KPNA3: variants seen among roughly 807,000 people sequenced by gnomAD.
KPNA3 encodes importin subunit alpha-4.
A neutral mutation model predicts 73.8 loss-of-function variants in KPNA3; 13 were observed. That is an observed-to-expected ratio of 0.18 (90% confidence interval 0.11 to 0.28). The LOEUF (loss-of-function observed/expected upper bound fraction) is 0.28, where lower values mean the gene tolerates loss of function less well. Among genes scored for constraint, KPNA3 ranks in the 10% least tolerant of loss-of-function variants. The probability of loss-of-function intolerance (pLI) is 1.00; values close to 1 mark genes in which losing one functional copy is unlikely to be tolerated. For synonymous variants in KPNA3, 186 were observed against 206.9 expected, an observed-to-expected ratio of 0.90 and a Z score of 0.87; for missense variants, 360 against 618.1, an observed-to-expected ratio of 0.58 and a Z score of 4.43.
intron 6 of KPNA3, among the ~76,000 whole-genome samples, chr13:49,728,790 G>A (rs1269582520): frequency 1.3e-5 from 2 of 152,180 alleles, no homozygotes; most frequent in African/African-American, 4.8e-5. Flanking sequence ...GCCTGAGAGA[G>A]CTTTACCAGA....
At chr13:49,744,425 T>C (rs1339290530) in intron 2 of KPNA3, among the ~76,000 whole-genome samples, 17 of 152,218 alleles carry the variant, frequency 1.1e-4, no homozygotes, top group Non-Finnish European at 2.5e-4. Context: ...TAATGTTTAT[T>C]ATGCTAATGT....
At chr13:49,770,508 T>C (rs1872876668) in intron 1 of KPNA3, among the ~76,000 whole-genome samples, 1 of 152,090 alleles carries the variant, frequency 6.6e-6, no homozygotes, top group African/African-American at 2.4e-5. Context: ...TGGCGTATTT[T>C]GAAGTACAAA....
chr13:49,786,345 C>T (rs1461792768), intron 1 of KPNA3, among the ~76,000 whole-genome samples: 2 of 152,094 alleles, frequency 1.3e-5, no homozygotes, highest in Admixed American at 6.5e-5. Context: ...GCTATACAAA[C>T]ACAGAATTTG....
At chr13:49,724,508 C>G (rs1954390816) in intron 7 of KPNA3, among the ~76,000 whole-genome samples, 1 of 152,096 alleles carries the variant, frequency 6.6e-6, no homozygotes, top group Admixed American at 6.5e-5. Context: ...AGGGTTTCAC[C>G]ATGTTAGCAA....
chr13:49,718,790 G>A (rs1163100459), intron 10 of KPNA3, among the ~76,000 whole-genome samples: 1 of 152,096 alleles, frequency 6.6e-6, no homozygotes, highest in Non-Finnish European at 1.5e-5. Flanking sequence ...TCCATCCTGA[G>A]AGCTTAAAAT....
chr13:49,727,806 T>G (rs1954424291), intron 6 of KPNA3, among the ~76,000 whole-genome samples: 1 of 152,122 alleles, frequency 6.6e-6, no homozygotes, highest in Admixed American at 6.5e-5. Context: ...CCTGCTAAAA[T>G]TAAAGCAAAA....
chr13:49,709,462 T>C, intron 12 of KPNA3, 110 bp downstream of exon 12: 2 of 834,184 alleles, frequency 2.4e-6, no homozygotes, highest in East Asian at 5.7e-5. Flanking sequence ...AATTCTCATC[T>C]TCGCTGCAGT....
chr13:49,789,259 C>G (rs1955011683), intron 1 of KPNA3, among the ~76,000 whole-genome samples: 1 of 152,152 alleles, frequency 6.6e-6, no homozygotes, highest in South Asian at 2.1e-4. Context: ...TATAATCACT[C>G]TTCTTTTTTA....
At chr13:49,734,479 GAAAAGA>G (rs769665868) in intron 2 of KPNA3, among the ~76,000 whole-genome samples, 24 of 152,032 alleles carry the variant, frequency 1.6e-4, no homozygotes, top group Non-Finnish European at 2.9e-4. Context: ...TTGGGAAAAA[GAAAAGA>G]AAAACAAATA....
intron 1 of KPNA3, among the ~76,000 whole-genome samples, chr13:49,790,120 C>A (rs191073180): frequency 2.4e-3 from 370 of 152,240 alleles, no homozygotes; most frequent in Non-Finnish European, 4.5e-3. Context: ...ATAAATAATA[C>A]CCATATCCAC....
chr13:49,732,029 A>G (rs186917360), intron 6 of KPNA3, among the ~76,000 whole-genome samples: 2 of 152,334 alleles, frequency 1.3e-5, no homozygotes, highest in East Asian at 3.9e-4. Context: ...TAATCTATAT[A>G]TAGGCTCATA....
At chr13:49,750,138 C>A (rs1954649827) in intron 1 of KPNA3, among the ~76,000 whole-genome samples, 2 of 152,142 alleles carry the variant, frequency 1.3e-5, no homozygotes, top group South Asian at 2.1e-4. Context: ...CATTTGCCAA[C>A]CGGGAAGCAA....
In KPNA3 at chr13:49,709,432, T is replaced by C. The variant is rs116875202; in HGVS notation, c.1032+140A>G. ...AAAAAAAAAAGTTGAAGAAAAACAT[T>C]TGCAGAGGTGATTTAAAATAATTCT... On this transcript the variant is annotated intron_variant, in intron 12 of 16. Transcript: ENST00000261667. 8.0e-3 allele frequency: 5,028 copies of C among 625,436 alleles called. 38 individuals are homozygous for C. Among genetic ancestry groups the C allele is most frequent in the Admixed American group, 0.011 (316 of 28,228 alleles). The allele number at this position is 625,436 out of a possible 1,614,324, so 38.7% of individuals were successfully genotyped here. A position where few individuals can be genotyped will look rare whatever the true frequency, so the allele number is the denominator to read the frequency against.
intron 1 of KPNA3, among the ~76,000 whole-genome samples, chr13:49,762,626 C>T (rs1219444536): frequency 1.3e-5 from 2 of 152,022 alleles, no homozygotes; most frequent in Non-Finnish European, 2.9e-5. Context: ...GGATTAAGGG[C>T]GGTGCAAGAT....
Position 49,701,704 on chromosome 13 carries a change from GT to G in KPNA3, c.*95del, listed in dbSNP as rs917869570. ...AGCATCAAAACAAAGAGGCATGTGT[GT>G]TTTGGAGCCTTTTGTTGCTGTTGTT... is the stretch of plus-strand genomic sequence containing the variant. On this transcript the variant is annotated 3_prime_UTR_variant, in exon 17 of 17. Coordinates refer to ENST00000261667, the MANE Select transcript of KPNA3 (RefSeq NM_002267.4). 67 of 836,428 alleles carry G rather than the reference GT, an allele frequency of 8.0e-5. No individual in the cohort carries two copies. The highest frequency in any genetic ancestry group is 1.2e-4 in the Non-Finnish European group (58 of 475,804). The allele number at this position is 836,428 out of a possible 1,614,324, so 51.8% of individuals were successfully genotyped here. A position where few individuals can be genotyped will look rare whatever the true frequency, so the allele number is the denominator to read the frequency against.
At chr13:49,755,309 G>GT (rs1483468087) in intron 1 of KPNA3, among the ~76,000 whole-genome samples, 1 of 152,026 alleles carries the variant, frequency 6.6e-6, no homozygotes, top group African/African-American at 2.4e-5. Context: ...TCCATTTATA[G>GT]TAAAAACACT....
Position 49,792,578 on chromosome 13 carries a change from G to T in KPNA3, c.-72C>A, listed in dbSNP as rs571451190. ...GGCGGCGGCGAATCTTGGAGCGGGAGGGGGAGGAGGGGGAGAGCGGGAGGG... is the reference window on the plus strand; with the variant it reads ...GGCGGCGGCGAATCTTGGAGCGGGATGGGGAGGAGGGGGAGAGCGGGAGGG... On this transcript the variant is annotated 5_prime_UTR_variant, in exon 1 of 17. Transcript: ENST00000261667. The T allele has an allele frequency of 8.7e-6, 7 of 805,542 alleles. No individual in the cohort carries two copies. The highest frequency in any genetic ancestry group is 6.1e-5 in the South Asian group (4 of 65,262). 49.9% of individuals were successfully genotyped at this position (805,542 alleles called of 1,614,324 possible).
chr13:49,781,488 A>G (rs998018594), intron 1 of KPNA3, among the ~76,000 whole-genome samples: 3 of 120,304 alleles, frequency 2.5e-5, no homozygotes, highest in Non-Finnish European at 4.7e-5. Context: ...TCTTATAAAC[A>G]CAGTGCCTTA....
chr13:49,769,108 A>C (rs1954832931), intron 1 of KPNA3, among the ~76,000 whole-genome samples: 1 of 152,016 alleles, frequency 6.6e-6, no homozygotes, highest in South Asian at 2.1e-4. Flanking sequence ...AAATTAATGT[A>C]TTTTGTCCAG....
Sources: allele counts gnomAD v4.1 joint callset (sites outside exome capture counted in the v4.1 genomes callset), GRCh38; gene constraint gnomAD v4.1.1; transcripts MANE v1.5; gene names NCBI Gene and HGNC (gene_info 2026-07-23, HGNC 2026-07-21).